The following HPGDS variants were observed in gnomAD, a reference collection of about 807,000 sequenced individuals.
The protein encoded by HPGDS is GST class-sigma.
In HPGDS, 26 loss-of-function variants were observed where a neutral mutation model predicts 23.1. The observed-to-expected ratio is 1.13, with a 90% CI of 0.83 to 1.56. The LOEUF is 1.56. Ranked by LOEUF, HPGDS falls within the 40% of genes most tolerant of loss-of-function variation. The pLI, the probability that HPGDS is intolerant of heterozygous loss-of-function variation, is 0.00. For synonymous variants in HPGDS, 95 were observed against 77.9 expected (o/e 1.22, Z -1.16); for missense variants, 268 against 236.4 (o/e 1.13, Z -0.88).
chr4:94,300,424 T>C (rs1756017697), intron 5 of HPGDS, among the ~76,000 whole-genome samples: 1 of 152,216 alleles, frequency 6.6e-6, no homozygotes, highest in Non-Finnish European at 1.5e-5. Flanking sequence ...TTTGGCTCCA[T>C]ATGATTATCA....
rs761163714 is a variant in HPGDS at position 94,334,316 on chromosome 4, G to C, written c.133+181C>G. On this transcript the variant is annotated intron_variant, in intron 2 of 5. Coordinates refer to ENST00000295256, the MANE Select transcript of HPGDS (RefSeq NM_014485.3). ...TTTATATTCTCTTTCTGTAAGTTTT[G>C]TGTTTTCACCTCTAATAGGAAATTT... The C allele has an allele frequency of 1.0e-4, 48 of 476,958 alleles. 1 individual carries two copies. The highest frequency in any genetic ancestry group is 1.6e-4 in the Non-Finnish European group (44 of 277,938). The allele number at this position is 476,958 out of a possible 1,614,324, so 29.5% of individuals were successfully genotyped here. A position where few individuals can be genotyped will look rare whatever the true frequency, so the allele number is the denominator to read the frequency against.
At chr4:94,302,003 G>T (rs1756049498) in intron 5 of HPGDS, 143 bp downstream of exon 5, 2 of 463,096 alleles carry the variant, frequency 4.3e-6, no homozygotes, top group African/African-American at 4.0e-5. Context: ...TTTTAAAAAG[G>T]TTTATTTAAA....
intron 2 of HPGDS, 80 bp from the exon 3 acceptor site, chr4:94,318,045 A>C (rs1756431047): frequency 1.3e-6 from 1 of 762,650 alleles, no homozygotes; most frequent in African/African-American, 1.8e-5. Flanking sequence ...GATCATCGTG[A>C]AAACAAAGCA....
At chr4:94,303,457 A>T (rs1157556322) in intron 4 of HPGDS, among the ~76,000 whole-genome samples, 1 of 152,146 alleles carries the variant, frequency 6.6e-6, no homozygotes, top group Non-Finnish European at 1.5e-5. Context: ...CAGATAAGGG[A>T]TACTCAACAT....
At chr4:94,342,557 T>G (rs937001929) in intron 1 of HPGDS, among the ~76,000 whole-genome samples, 3 of 152,188 alleles carry the variant, frequency 2.0e-5, no homozygotes, top group African/African-American at 7.2e-5. Context: ...AAAATCCACT[T>G]GAAGAGATCT....
intron 2 of HPGDS, among the ~76,000 whole-genome samples, chr4:94,333,630 A>C (rs756846783): frequency 6.6e-5 from 10 of 152,250 alleles, no homozygotes; most frequent in Non-Finnish European, 1.2e-4. Context: ...CATGAACTTT[A>C]AGATTCCTTT....
At chr4:94,333,846 A>G (rs182497580) in intron 2 of HPGDS, among the ~76,000 whole-genome samples, 41 of 152,340 alleles carry the variant, frequency 2.7e-4, no homozygotes, top group Admixed American at 7.8e-4. Context: ...TTCACCTATT[A>G]TATATTCACT....
chr4:94,310,247 G>C (rs1488846340), intron 3 of HPGDS, among the ~76,000 whole-genome samples: 1 of 152,206 alleles, frequency 6.6e-6, no homozygotes, highest in South Asian at 2.1e-4. Context: ...TTTCTTGTAG[G>C]GTTTTTATGG....
At chr4:94,312,230 T>G (rs1186525023) in intron 3 of HPGDS, among the ~76,000 whole-genome samples, 2 of 152,182 alleles carry the variant, frequency 1.3e-5, no homozygotes, top group Non-Finnish European at 2.9e-5. Context: ...ATTGTGATGT[T>G]AGGGTGTCGA....
chr4:94,315,281 C>A (rs1425536629), intron 3 of HPGDS, among the ~76,000 whole-genome samples: 2 of 152,210 alleles, frequency 1.3e-5, no homozygotes, highest in African/African-American at 4.8e-5. Flanking sequence ...CATCTTGGAA[C>A]TGCCTCTCCC....
chr4:94,309,197 T>C (rs1449420281), intron 3 of HPGDS, among the ~76,000 whole-genome samples: 2 of 151,758 alleles, frequency 1.3e-5, no homozygotes, highest in Non-Finnish European at 2.9e-5. Flanking sequence ...TGTATACATG[T>C]GCCATGTTGG....
chr4:94,340,309 C>CTTTTTTTTTTTTTTTTTTT (rs1560597992), intron 1 of HPGDS, among the ~76,000 whole-genome samples: 2 of 28,764 alleles, frequency 7.0e-5, no homozygotes, highest in Non-Finnish European at 1.3e-4. Flanking sequence ...TTCTTTCTTT[C>CTTTTTTTTTTTTTTTTTTT]TCTTTTTTTT....
At chr4:94,340,640 G>GC (rs1196999605) in intron 1 of HPGDS, among the ~76,000 whole-genome samples, 1 of 37,038 alleles carries the variant, frequency 2.7e-5, no homozygotes, top group Non-Finnish European at 4.8e-5. Flanking sequence ...GGCCCGGCCC[G>GC]CCCCCCTCCC....
intron 4 of HPGDS, among the ~76,000 whole-genome samples, chr4:94,307,830 A>G (rs1177152087): frequency 6.6e-6 from 1 of 152,188 alleles, no homozygotes; most frequent in Non-Finnish European, 1.5e-5. Context: ...AAAATATAAA[A>G]GCATACTACA....
chr4:94,326,964 A>T (rs944433965), intron 2 of HPGDS, among the ~76,000 whole-genome samples: 1 of 151,916 alleles, frequency 6.6e-6, no homozygotes, highest in Non-Finnish European at 1.5e-5. Flanking sequence ...TGATTTCTTC[A>T]GCTATAGTCA....
At chr4:94,302,671 C>T (rs1357264874) in intron 4 of HPGDS, among the ~76,000 whole-genome samples, 1 of 152,002 alleles carries the variant, frequency 6.6e-6, no homozygotes, top group East Asian at 1.9e-4. Context: ...CTAGACTCTT[C>T]TAGTTTGGCA....
intron 2 of HPGDS, among the ~76,000 whole-genome samples, chr4:94,318,303 T>C (rs139399924): frequency 2.5e-4 from 38 of 152,304 alleles, no homozygotes; most frequent in African/African-American, 8.7e-4. Flanking sequence ...TTGCAGATTA[T>C]TAAAATCGTA....
At chr4:94,324,369 A>G (rs149715756) in intron 2 of HPGDS, among the ~76,000 whole-genome samples, 3,753 of 152,124 alleles carry the variant, frequency 0.025, 103 homozygotes, top group African/African-American at 0.074. Flanking sequence ...GCTTGGTTCC[A>G]TTCTCCCCAT....
rs1168186889 is a variant in HPGDS at position 94,309,086 on chromosome 4, G to C, written c.227-343C>G. 2.1e-4 allele frequency among the ~76,000 whole-genome samples: 24 copies of C among 111,780 alleles called. No individual in the cohort carries two copies. The Admixed American group carries it at 2.5e-3, about 12-fold the overall frequency. 73.3% of individuals were successfully genotyped at this position (111,780 alleles called of 152,430 possible). ...TTTTTTTTTTTTTTTTGGCTACATA[G>C]GGATTCATTGAGGTAGATGCGCCAC... is the stretch of plus-strand genomic sequence containing the variant. On this transcript the variant is annotated intron_variant, in intron 3 of 5. Coordinates refer to ENST00000295256, the MANE Select transcript of HPGDS (RefSeq NM_014485.3).
Sources: allele counts gnomAD v4.1 joint callset (sites outside exome capture counted in the v4.1 genomes callset), GRCh38; gene constraint gnomAD v4.1.1; transcripts MANE v1.5; gene names NCBI Gene and HGNC (gene_info 2026-07-23, HGNC 2026-07-21).